The following ZNF385B variants were observed in gnomAD, a reference collection of about 807,000 sequenced individuals.
ZNF385B encodes zinc finger protein 385B.
ZNF385B carries 23 observed loss-of-function variants against 39.2 expected under a neutral mutation model. The observed-to-expected ratio is 0.59, with a 90% CI of 0.42 to 0.83. The LOEUF is 0.83. ZNF385B is among the 40% of genes least tolerant of loss of function. The pLI is 0.00. For missense variants in ZNF385B, 552 were observed against 598.9 expected (o/e 0.92, Z 0.82); for synonymous variants, 205 against 222.6 (o/e 0.92, Z 0.70).
At chr2:179,760,218 G>C (rs1703288251) in intron 3 of ZNF385B, among the ~76,000 whole-genome samples, 3 of 96,530 alleles carry the variant, frequency 3.1e-5, no homozygotes, top group Non-Finnish European at 7.2e-5. Flanking sequence ...CTGGATTCCT[G>C]TGTGCGTGTG....
intron 3 of ZNF385B, among the ~76,000 whole-genome samples, chr2:179,639,079 A>G (rs1489913824): frequency 1.3e-5 from 2 of 151,766 alleles, no homozygotes; most frequent in Non-Finnish European, 2.9e-5. Context: ...AAATTGTTCC[A>G]AGAGTGGTGG....
At chr2:179,521,592 T>C (rs1372364583) in intron 4 of ZNF385B, among the ~76,000 whole-genome samples, 1 of 151,960 alleles carries the variant, frequency 6.6e-6, no homozygotes, top group Non-Finnish European at 1.5e-5. Flanking sequence ...CTCTCCATCC[T>C]GAAAGGTAAG....
At chr2:179,449,021 T>C (rs766150386) in intron 6 of ZNF385B, among the ~76,000 whole-genome samples, 1 of 152,206 alleles carries the variant, frequency 6.6e-6, no homozygotes, top group Non-Finnish European at 1.5e-5. Flanking sequence ...TTCCTTTTCA[T>C]ATCTTGTTTT....
chr2:179,647,743 T>G (rs1023291560), intron 3 of ZNF385B, among the ~76,000 whole-genome samples: 4 of 152,152 alleles, frequency 2.6e-5, no homozygotes, highest in African/African-American at 7.2e-5. Flanking sequence ...TAATCACTGA[T>G]TACTCTCACT....
At position 179,811,599 on chromosome 2, in the gene ZNF385B, T is replaced by C. The variant is rs144059778; in HGVS notation, c.-154-40927A>G. ...GTGCTGAGATAGCTGGCTAGCCATATGAAGAAGAATAAAACTAGACCTCTA... is the reference window on the plus strand; with the variant it reads ...GTGCTGAGATAGCTGGCTAGCCATACGAAGAAGAATAAAACTAGACCTCTA... On this transcript the variant is annotated intron_variant, in intron 1 of 9. Transcript: ENST00000410066. 4.7e-3 allele frequency among the ~76,000 whole-genome samples: 710 copies of C among 152,258 alleles called. 5 individuals carry two copies. The highest frequency in any genetic ancestry group is 0.016 in the African/African-American group (669 of 41,560).
chr2:179,446,754 T>C lies in ZNF385B; in HGVS notation c.732A>G (p.Leu244=), dbSNP rs779925694. Residue 244 remains leucine, a synonymous_variant, in exon 7 of 10, where the codon TTA becomes TTG. Coordinates refer to ENST00000410066, the MANE Select transcript of ZNF385B (RefSeq NM_152520.6). ...ATGGCTGACTGGAACTGCTGGCTTTTAACTTCCCTTTATCTTCTAAGAGAA... is the reference window on the plus strand; with the variant it reads ...ATGGCTGACTGGAACTGCTGGCTTTCAACTTCCCTTTATCTTCTAAGAGAA... ...NSDKSEDKGK[L]KASSSSQPSS... The C allele has an allele frequency of 1.6e-5, 25 of 1,612,290 alleles. No individual in the cohort carries two copies. Among genetic ancestry groups the C allele is most frequent in the Middle Eastern group, 3.3e-4 (2 of 6,048 alleles).
At position 179,858,561 on chromosome 2, in the gene ZNF385B, T is replaced by C. The variant is rs78275225; in HGVS notation, c.-155+2540A>G. ...AGAGATCAAGAGAAATCCCCAAAAATTTTTTTAAAAAAAGAAAGAAAGAAG... is the reference window on the plus strand; with the variant it reads ...AGAGATCAAGAGAAATCCCCAAAAACTTTTTTAAAAAAAGAAAGAAAGAAG... On this transcript the variant is annotated intron_variant, in intron 1 of 9. Coordinates refer to ENST00000410066, the MANE Select transcript of ZNF385B (RefSeq NM_152520.6). Among the ~76,000 whole-genome samples, 174 of 151,632 alleles carry C rather than the reference T, an allele frequency of 1.1e-3. 2 individuals are homozygous for C. The highest frequency in any genetic ancestry group is 7.8e-3 in the East Asian group (40 of 5,152).
intron 3 of ZNF385B, among the ~76,000 whole-genome samples, chr2:179,566,236 C>G (rs555253132): frequency 6.6e-6 from 1 of 152,278 alleles, no homozygotes; most frequent in African/African-American, 2.4e-5. Context: ...GAAGTATGTT[C>G]CTAATTTTGG....
intron 3 of ZNF385B, among the ~76,000 whole-genome samples, chr2:179,658,884 T>G (rs959738132): frequency 6.6e-6 from 1 of 152,182 alleles, no homozygotes; most frequent in Non-Finnish European, 1.5e-5. Context: ...TTCAAGTGAT[T>G]CTCTTGCTTC....
chr2:179,532,514 A>T (rs2105863617), intron 4 of ZNF385B, among the ~76,000 whole-genome samples: 1 of 152,312 alleles, frequency 6.6e-6, no homozygotes, highest in South Asian at 2.1e-4. Flanking sequence ...AAGAGGCAAA[A>T]ATCATTTGTA....
chr2:179,559,509 G>T (rs1362382557), intron 3 of ZNF385B, among the ~76,000 whole-genome samples: 1 of 152,094 alleles, frequency 6.6e-6, no homozygotes. Context: ...ATAAATGACT[G>T]CCCCAGCCCT....
rs926570291 is a variant in ZNF385B, at chr2:179,445,738, A to G, written c.962-10T>C. On this transcript the variant is annotated splice_polypyrimidine_tract_variant and intron_variant, in intron 7 of 9. Transcript: ENST00000410066. The stretch of plus-strand genomic sequence containing the variant: ...GTCTTGTGTTTAGATCCTAAGACAG[A>G]AAGAGACACATATTAAATAGCTATC... 6.3e-7 allele frequency: 1 copy of G among 1,588,978 alleles called. No homozygotes were observed. Among genetic ancestry groups the G allele is most frequent in the African/African-American group, 1.4e-5 (1 of 73,502 alleles).
At chr2:179,480,549 C>T (rs771960147) in intron 6 of ZNF385B, among the ~76,000 whole-genome samples, 1 of 152,132 alleles carries the variant, frequency 6.6e-6, no homozygotes, top group South Asian at 2.1e-4. Context: ...TTAGGTATTA[C>T]GTTGTTTGGA....
At chr2:179,628,605 T>G (rs554708461) in intron 3 of ZNF385B, among the ~76,000 whole-genome samples, 10 of 152,316 alleles carry the variant, frequency 6.6e-5, no homozygotes, top group African/African-American at 2.4e-4. Context: ...TTTTGCTAAT[T>G]AGTAGGTTTT....
chr2:179,688,150 GAA>G (rs1239729847), intron 3 of ZNF385B, among the ~76,000 whole-genome samples: 1 of 152,084 alleles, frequency 6.6e-6, no homozygotes, highest in African/African-American at 2.4e-5. Context: ...AGAAATGAAA[GAA>G]AGAGGGAAGA....
At chr2:179,754,393 T>G (rs1702880185) in intron 3 of ZNF385B, among the ~76,000 whole-genome samples, 1 of 152,218 alleles carries the variant, frequency 6.6e-6, no homozygotes, top group Non-Finnish European at 1.5e-5. Flanking sequence ...TCTAAAATTC[T>G]CTTTTTTGCT....
At chr2:179,573,451 C>CA (rs985131653) in intron 3 of ZNF385B, among the ~76,000 whole-genome samples, 4 of 151,796 alleles carry the variant, frequency 2.6e-5, no homozygotes, top group African/African-American at 9.7e-5. Flanking sequence ...ACCAAAAAAA[C>CA]AAAAAACTAA....
chr2:179,462,637 G>A (rs369928943), intron 6 of ZNF385B, among the ~76,000 whole-genome samples: 1 of 152,076 alleles, frequency 6.6e-6, no homozygotes, highest in Non-Finnish European at 1.5e-5. Context: ...GTACCTTGGA[G>A]TTCTCTGCAA....
chr2:179,614,898 T>TTCATAAAAACTGCCAGTAG (rs1689603784), intron 3 of ZNF385B, among the ~76,000 whole-genome samples: 1 of 152,020 alleles, frequency 6.6e-6, no homozygotes, highest in Non-Finnish European at 1.5e-5. Flanking sequence ...GCATCATGTA[T>TTCATAAAAACTGCCAGTAG]AATTCATAAA....
Sources: allele counts gnomAD v4.1 joint callset (sites outside exome capture counted in the v4.1 genomes callset), GRCh38; gene constraint gnomAD v4.1.1; transcripts MANE v1.5; gene names NCBI Gene and HGNC (gene_info 2026-07-23, HGNC 2026-07-21).